Variants in MACROD2 observed in about 807,000 individuals in gnomAD.
MACROD2 encodes the protein mono-ADP ribosylhydrolase 2, also known as ADP-ribose glycohydrolase MACROD2.
In MACROD2, 36 loss-of-function variants were observed where a neutral mutation model predicts 70.4. That is an observed-to-expected ratio of 0.51 (90% CI 0.39 to 0.68). MACROD2 has a LOEUF of 0.68. Among genes scored for constraint, MACROD2 ranks in the 30% least tolerant of loss-of-function variants. The pLI is 0.00. For missense variants in MACROD2, 496 were observed against 538.4 expected, an observed-to-expected ratio of 0.92 and a Z score of 0.78; for synonymous variants, 172 against 178.8, an observed-to-expected ratio of 0.96 and a Z score of 0.30.
At chr20:14,512,038 C>T (rs1002305918) in intron 4 of MACROD2, among the ~76,000 whole-genome samples, 6 of 151,916 alleles carry the variant, frequency 3.9e-5, no homozygotes, top group Non-Finnish European at 7.4e-5. Flanking sequence ...GAGATACAGG[C>T]GGGATTCCTT....
At chr20:14,760,528 A>T (rs1490672914) in intron 5 of MACROD2, among the ~76,000 whole-genome samples, 1 of 152,108 alleles carries the variant, frequency 6.6e-6, no homozygotes, top group African/African-American at 2.4e-5. Context: ...AGTCCTCTAA[A>T]TCATGAGTTA....
At chr20:15,137,424 T>C (rs2076157657) in intron 5 of MACROD2, among the ~76,000 whole-genome samples, 1 of 150,870 alleles carries the variant, frequency 6.6e-6, no homozygotes, top group South Asian at 2.1e-4. Flanking sequence ...ATGGATGAAA[T>C]TGGAAATCAT....
intron 4 of MACROD2, among the ~76,000 whole-genome samples, chr20:14,580,123 T>A (rs1016372593): frequency 5.9e-5 from 9 of 152,082 alleles, no homozygotes; most frequent in African/African-American, 1.7e-4. Flanking sequence ...GAAAAAAAAA[T>A]TAAACATCTA....
In MACROD2 at chr20:15,044,848, G is replaced by A. The variant is rs951621204; in HGVS notation, c.419-185092G>A. Among the ~76,000 whole-genome samples the A allele has an allele frequency of 2.6e-5, 4 of 152,078 alleles. No homozygotes were observed. The South Asian group carries it at 8.3e-4, about 32-fold the overall frequency. ...GAAAGTGCCATTTATTTCCTCTTGGGACTCTCACAGATAAAACGTTATGTG... is the reference window on the plus strand; with the variant it reads ...GAAAGTGCCATTTATTTCCTCTTGGAACTCTCACAGATAAAACGTTATGTG... On this transcript the variant is annotated intron_variant, in intron 5 of 17. Coordinates refer to ENST00000684519, the MANE Select transcript of MACROD2 (RefSeq NM_001351661.2).
chr20:14,713,756 G>A (rs2071364977), intron 5 of MACROD2, among the ~76,000 whole-genome samples: 1 of 152,130 alleles, frequency 6.6e-6, no homozygotes, highest in Non-Finnish European at 1.5e-5. Context: ...CCTGTGAAAA[G>A]CTAAAAAAAT....
intron 5 of MACROD2, among the ~76,000 whole-genome samples, chr20:14,945,000 A>G (rs1464266251): frequency 6.6e-6 from 1 of 152,194 alleles, no homozygotes; most frequent in Non-Finnish European, 1.5e-5. Flanking sequence ...TTTCCTGCAC[A>G]AATCCAGCCT....
chr20:15,816,476 C>CAAA (rs151296583), intron 8 of MACROD2, among the ~76,000 whole-genome samples: 2 of 146,782 alleles, frequency 1.4e-5, no homozygotes, highest in African/African-American at 5.0e-5. Flanking sequence ...TGATTTTAAC[C>CAAA]AAAAAAAAAA....
At chr20:15,802,626 C>T (rs4369926) in intron 8 of MACROD2, among the ~76,000 whole-genome samples, 11,375 of 151,988 alleles carry the variant, frequency 0.075, 1,020 homozygotes, top group East Asian at 0.3. Context: ...AAAGCAAGAA[C>T]AAACCGAATC....
chr20:14,191,986 AG>A (rs1163097623), intron 3 of MACROD2, among the ~76,000 whole-genome samples: 1 of 29,244 alleles, frequency 3.4e-5, no homozygotes, highest in Non-Finnish European at 6.7e-5. Flanking sequence ...TTTGTGGGGG[AG>A]GGGGAGGGGG....
chr20:15,647,688 G>T (rs1434949873), intron 8 of MACROD2, among the ~76,000 whole-genome samples: 1 of 151,364 alleles, frequency 6.6e-6, no homozygotes. Context: ...AAGTTTGCAG[G>T]TCACTACCGT....
intron 7 of MACROD2, among the ~76,000 whole-genome samples, chr20:15,499,017 GT>G (rs1203974583): frequency 1.3e-5 from 2 of 152,130 alleles, no homozygotes; most frequent in Non-Finnish European, 2.9e-5. Context: ...CATTGATAAG[GT>G]TATTCCTTCA....
At chr20:14,687,221 A>G (rs2071013021) in intron 5 of MACROD2, among the ~76,000 whole-genome samples, 1 of 152,100 alleles carries the variant, frequency 6.6e-6, no homozygotes, top group African/African-American at 2.4e-5. Flanking sequence ...CTATTGATTC[A>G]CTGTTTTCTT....
chr20:14,066,854 C>G lies in MACROD2; in HGVS notation c.164-18767C>G, dbSNP rs1228350742. ...GAGACAGAGTCTTGCTCTGTCCGCC[C>G]AGGCTGGAGAGCAGTGGCGCCGTCT... On this transcript the variant is annotated intron_variant, in intron 2 of 17. Transcript: ENST00000684519. 4.1e-5 allele frequency among the ~76,000 whole-genome samples: 6 copies of G among 146,950 alleles called. No homozygotes were observed. The East Asian group carries it at 1.2e-3, about 29-fold the overall frequency.
chr20:14,501,261 T>C (rs188058733), intron 4 of MACROD2, among the ~76,000 whole-genome samples: 8 of 152,262 alleles, frequency 5.3e-5, no homozygotes, highest in Admixed American at 5.2e-4. Flanking sequence ...ACAGAGAATT[T>C]ACATTCTACA....
intron 3 of MACROD2, among the ~76,000 whole-genome samples, chr20:14,197,013 A>T (rs1450077477): frequency 6.6e-6 from 1 of 152,234 alleles, no homozygotes; most frequent in Non-Finnish European, 1.5e-5. Context: ...TACACACGGC[A>T]TATTAGTATT....
chr20:14,778,124 G>T (rs1023532430), intron 5 of MACROD2, among the ~76,000 whole-genome samples: 1 of 152,074 alleles, frequency 6.6e-6, no homozygotes, highest in African/African-American at 2.4e-5. Context: ...AGTTCCAAAA[G>T]TTTGTGAATG....
chr20:14,892,763 C>T (rs1171297368), intron 5 of MACROD2: 2 of 152,290 alleles, frequency 1.3e-5, no homozygotes, highest in East Asian at 3.9e-4. Context: ...ACTGCAGCCT[C>T]TGCCTCCTGG....
At chr20:15,485,666 C>G (rs2047154714) in intron 7 of MACROD2, among the ~76,000 whole-genome samples, 1 of 152,112 alleles carries the variant, frequency 6.6e-6, no homozygotes, top group South Asian at 2.1e-4. Flanking sequence ...AATTCTGTGG[C>G]TTATTTGGTC....
chr20:15,398,269 T>C (rs1045014768), intron 6 of MACROD2, among the ~76,000 whole-genome samples: 12 of 152,228 alleles, frequency 7.9e-5, no homozygotes, highest in African/African-American at 2.9e-4. Flanking sequence ...TCAGCAAATA[T>C]ACTGTCAACT....
Sources: allele counts gnomAD v4.1 joint callset (sites outside exome capture counted in the v4.1 genomes callset), GRCh38; gene constraint gnomAD v4.1.1; transcripts MANE v1.5; gene names NCBI Gene and HGNC (gene_info 2026-07-23, HGNC 2026-07-21).